Variants in TECPR2 observed in about 807,000 individuals in gnomAD.
TECPR2 encodes the protein tectonin beta-propeller repeat-containing protein 2.
TECPR2 carries 65 observed loss-of-function variants against 138.1 expected under a neutral mutation model. That is an observed-to-expected ratio of 0.47 (90% CI 0.39 to 0.58). The LOEUF (loss-of-function observed/expected upper bound fraction) is 0.58. Ranked by LOEUF, TECPR2 falls within the 20% of genes least tolerant of loss-of-function variation. The pLI, the probability that TECPR2 is intolerant of heterozygous loss-of-function variation, is 0.00. For synonymous variants in TECPR2, 746 were observed against 749.8 expected, an observed-to-expected ratio of 0.99 and a Z score of 0.08; for missense variants, 1,553 against 1,824.5, an observed-to-expected ratio of 0.85 and a Z score of 2.71.
chr14:102,463,267 A>G (rs919867449), intron 16 of TECPR2, among the ~76,000 whole-genome samples: 1 of 151,942 alleles, frequency 6.6e-6, no homozygotes, highest in Non-Finnish European at 1.5e-5. Context: ...AAATACAAAA[A>G]TTAGCTGGAC....
chr14:102,389,729 G>A (rs760397777), intron 2 of TECPR2, among the ~76,000 whole-genome samples: 1 of 152,142 alleles, frequency 6.6e-6, no homozygotes, highest in Non-Finnish European at 1.5e-5. Context: ...GATTCTGCTG[G>A]CAGTGTAATT....
chr14:102,407,627 G>C (rs1888697295), intron 3 of TECPR2, among the ~76,000 whole-genome samples, 161 bp downstream of exon 3: 1 of 152,160 alleles, frequency 6.6e-6, no homozygotes, highest in Non-Finnish European at 1.5e-5. Context: ...ACTTTGGAAG[G>C]CCAAGGCGGG....
At chr14:102,496,294 G>A (rs990166108) in intron 17 of TECPR2, among the ~76,000 whole-genome samples, 9 of 152,182 alleles carry the variant, frequency 5.9e-5, no homozygotes, top group African/African-American at 2.2e-4. Flanking sequence ...AGACAGTGCT[G>A]TGCTCGCGGG....
At chr14:102,450,443 C>A in intron 14 of TECPR2, 117 bp from the exon 15 acceptor site, 2 of 956,992 alleles carry the variant, frequency 2.1e-6, no homozygotes, top group Non-Finnish European at 3.2e-6. Context: ...TTTAGGGACA[C>A]TCTAGAATTA....
rs191068872 is a variant in TECPR2 at position 102,478,045 on chromosome 14, C to T, written c.3789+12756C>T. Among the ~76,000 whole-genome samples, 1,477 of 150,242 alleles carry T rather than the reference C, an allele frequency of 9.8e-3. 4 individuals are homozygous for T. Among genetic ancestry groups the T allele is most frequent in the Non-Finnish European group, 0.014 (944 of 67,472 alleles). ...GATTACAGGCGTGAGCCACCGCACC[C>T]GGCCTGTTTTTGTTTTTTAGAGACA... On this transcript the variant is annotated intron_variant, in intron 17 of 19. Coordinates refer to ENST00000359520, the MANE Select transcript of TECPR2 (RefSeq NM_014844.5).
At chr14:102,386,470 A>G (rs1888008394) in intron 2 of TECPR2, among the ~76,000 whole-genome samples, 1 of 152,192 alleles carries the variant, frequency 6.6e-6, no homozygotes. Context: ...ACTCTGTCTC[A>G]AAAATAAAAT....
At chr14:102,441,979 T>A (rs1889848322) in intron 11 of TECPR2, among the ~76,000 whole-genome samples, 1 of 152,054 alleles carries the variant, frequency 6.6e-6, no homozygotes, top group Non-Finnish European at 1.5e-5. Context: ...TCCAGGAGAA[T>A]GTTGTTGTTG....
intron 16 of TECPR2, among the ~76,000 whole-genome samples, chr14:102,457,868 C>CCTTT (rs1890311666): frequency 1.0e-5 from 1 of 97,208 alleles, no homozygotes; most frequent in South Asian, 3.1e-4. Flanking sequence ...CACTAAATTC[C>CCTTT]CTTTTTTTTT....
At chr14:102,401,198 G>A (rs904527090) in intron 2 of TECPR2, among the ~76,000 whole-genome samples, 3 of 152,018 alleles carry the variant, frequency 2.0e-5, no homozygotes, top group Non-Finnish European at 4.4e-5. Flanking sequence ...CAGCACTTTG[G>A]GAGGCCAAGG....
At position 102,465,221 on chromosome 14, in the gene TECPR2, G is replaced by A; in HGVS notation, c.3721G>A (p.Val1241Ile). Reference sequence around the variant, plus strand: ...TTCCAGGGGTGGAGTTTACTTCCGTGTAGGGACTCAGCCTCTCAATCCCAG... The same window carrying A: ...TTCCAGGGGTGGAGTTTACTTCCGTATAGGGACTCAGCCTCTCAATCCCAG... ...CDSRGGVYFR[V>I]GTQPLNPSLM... Residue 1241 changes from valine to isoleucine, a missense_variant, in exon 17 of 20, where the codon GTA becomes ATA. Physicochemically the swap from Val to Ile is conservative, Grantham distance 29. Transcript: ENST00000359520. 2 of 1,614,210 alleles carry A rather than the reference G, an allele frequency of 1.2e-6. No homozygotes were observed. The highest frequency in any genetic ancestry group is 1.1e-5 in the South Asian group (1 of 91,086).
At chr14:102,367,423 C>T (rs1887373572) in intron 1 of TECPR2, among the ~76,000 whole-genome samples, 1 of 152,210 alleles carries the variant, frequency 6.6e-6, no homozygotes, top group African/African-American at 2.4e-5. Flanking sequence ...ACCCCTTCTT[C>T]TCCCAGCCCT....
intron 17 of TECPR2, among the ~76,000 whole-genome samples, chr14:102,479,603 A>C (rs117140772): frequency 0.028 from 4,210 of 152,290 alleles, 74 homozygotes; most frequent in Middle Eastern, 0.092. Context: ...TTTGTGGTGC[A>C]CATCTGTGAG....
chr14:102,411,294 G>T (rs1344064509), intron 4 of TECPR2, among the ~76,000 whole-genome samples: 1 of 152,190 alleles, frequency 6.6e-6, no homozygotes, highest in Non-Finnish European at 1.5e-5. Flanking sequence ...AGGAATGTCA[G>T]GCCTCTGAGC....
At position 102,432,111 on chromosome 14, in the gene TECPR2, A is replaced by C. The variant is rs943592399; in HGVS notation, c.1400A>C (p.Lys467Thr). ...VVKPIKVKRK[K>T]KKKKTEGGSR... ...AAGCCTATCAAAGTGAAAAGGAAGA[A>C]GAAGAAGAAGAAGACAGGTACCCTC... The change falls in exon 8 of 20, where the codon AAG (lysine) becomes ACG (threonine). Residue 467 changes from lysine (K) to threonine (T), a missense_variant. Physicochemically the swap from Lys to Thr is moderately conservative, Grantham distance 78 (BLOSUM62 -1). Transcript: ENST00000359520. The C allele has an allele frequency of 1.3e-6, 2 of 1,583,198 alleles. No individual in the cohort carries two copies. Among genetic ancestry groups the C allele is most frequent in the Non-Finnish European group, 1.7e-6 (2 of 1,161,970 alleles).
intron 16 of TECPR2, among the ~76,000 whole-genome samples, chr14:102,452,939 G>A (rs1483481954): frequency 2.0e-5 from 3 of 152,208 alleles, no homozygotes; most frequent in African/African-American, 7.2e-5. Flanking sequence ...TGCCCCGTCA[G>A]TCTTTCTGAA....
At chr14:102,418,684 T>C (rs1053750064) in intron 5 of TECPR2, among the ~76,000 whole-genome samples, 4 of 152,228 alleles carry the variant, frequency 2.6e-5, no homozygotes, top group Middle Eastern at 3.4e-3. Context: ...GGGAGGTCAC[T>C]CTGGCTGCTG....
intron 2 of TECPR2, among the ~76,000 whole-genome samples, chr14:102,380,717 C>T (rs1387475754): frequency 1.3e-5 from 2 of 152,194 alleles, no homozygotes; most frequent in Admixed American, 6.5e-5. Flanking sequence ...CTCGCTCTGT[C>T]GCCCAGGCTA....
chr14:102,435,631 TCTC>T (rs1434600335), intron 9 of TECPR2, among the ~76,000 whole-genome samples: 1 of 151,970 alleles, frequency 6.6e-6, no homozygotes, highest in Non-Finnish European at 1.5e-5. Context: ...CTCCTGTCCT[TCTC>T]CTCACACCCC....
At chr14:102,457,377 G>T (rs764157459) in intron 16 of TECPR2, among the ~76,000 whole-genome samples, 2 of 152,118 alleles carry the variant, frequency 1.3e-5, no homozygotes, top group Non-Finnish European at 2.9e-5. Context: ...GAGCCACTGC[G>T]CCTGACCCAA....
Sources: allele counts gnomAD v4.1 joint callset (sites outside exome capture counted in the v4.1 genomes callset), GRCh38; gene constraint gnomAD v4.1.1; transcripts MANE v1.5; gene names NCBI Gene and HGNC (gene_info 2026-07-23, HGNC 2026-07-21).